Variants in PPARGC1A observed in about 807,000 individuals in gnomAD.
PPARGC1A encodes peroxisome proliferator-activated receptor gamma coactivator 1-alpha.
Under a neutral mutation model 88.7 loss-of-function variants are expected in PPARGC1A, and 25 were observed. The ratio of observed to expected loss-of-function variants is 0.28; its 90% CI spans 0.21 to 0.39. PPARGC1A has a LOEUF of 0.39. PPARGC1A is among the 10% of genes least tolerant of loss of function. The pLI is 1.00. For missense variants in PPARGC1A, 880 were observed against 968.7 expected, an observed-to-expected ratio of 0.91 and a Z score of 1.22; for synonymous variants, 363 against 355.6, an observed-to-expected ratio of 1.02 and a Z score of -0.24.
intron 10 of PPARGC1A, among the ~76,000 whole-genome samples, chr4:23,802,596 G>GAAC (rs940509059): frequency 4.8e-5 from 7 of 145,264 alleles, no homozygotes; most frequent in African/African-American, 1.8e-4. Context: ...AGAATTGCTT[G>GAAC]AACCCGGGAG....
the PPARGC1A span, among the ~76,000 whole-genome samples, chr4:24,290,973 G>T: frequency 1.3e-5 from 2 of 152,054 alleles, no homozygotes; most frequent in Non-Finnish European, 2.9e-5. Context: ...AAAAATATTG[G>T]TTCGATTCTA....
At chr4:23,919,984 T>C in the PPARGC1A span, among the ~76,000 whole-genome samples, 2 of 152,144 alleles carry the variant, frequency 1.3e-5, no homozygotes, top group African/African-American at 2.4e-5. Context: ...GAATCACCAG[T>C]GTCGAGTGAG....
the PPARGC1A span, among the ~76,000 whole-genome samples, chr4:23,930,405 C>T: frequency 6.6e-6 from 1 of 152,174 alleles, no homozygotes; most frequent in African/African-American, 2.4e-5. Context: ...TGACCACTGA[C>T]ATTTAGGTAC....
the PPARGC1A span, among the ~76,000 whole-genome samples, chr4:24,025,925 A>G: frequency 1.3e-5 from 2 of 152,118 alleles, no homozygotes; most frequent in African/African-American, 4.8e-5. Flanking sequence ...CCTGTTTTCC[A>G]AAGATTCTTT....
At chr4:24,073,291 C>T in the PPARGC1A span, among the ~76,000 whole-genome samples, 8 of 152,178 alleles carry the variant, frequency 5.3e-5, no homozygotes, top group Non-Finnish European at 8.8e-5. Flanking sequence ...ATCTGCCCGC[C>T]TCAGCCTCCC....
At chr4:24,263,841 C>T in the PPARGC1A span, among the ~76,000 whole-genome samples, 1 of 152,196 alleles carries the variant, frequency 6.6e-6, no homozygotes, top group Non-Finnish European at 1.5e-5. Context: ...CCTCGACCTC[C>T]AGGAATCAAG....
chr4:24,379,291 G>C, the PPARGC1A span, among the ~76,000 whole-genome samples: 10 of 152,160 alleles, frequency 6.6e-5, no homozygotes, highest in Non-Finnish European at 1.3e-4. Flanking sequence ...GTATGGGTTG[G>C]AGGAGGTGAT....
At chr4:24,306,164 C>A in the PPARGC1A span, among the ~76,000 whole-genome samples, 1 of 152,032 alleles carries the variant, frequency 6.6e-6, no homozygotes, top group African/African-American at 2.4e-5. Flanking sequence ...CCCAAGAAGA[C>A]GAGAGACTTA....
the PPARGC1A span, among the ~76,000 whole-genome samples, chr4:24,439,199 T>A: frequency 6.6e-6 from 1 of 152,132 alleles, no homozygotes; most frequent in African/African-American, 2.4e-5. Flanking sequence ...TTCTCCTTCT[T>A]TAAGAGAAGA....
chr4:23,904,326 G>A (rs1719779641), upstream of PPARGC1A, among the ~76,000 whole-genome samples: 1 of 152,048 alleles, frequency 6.6e-6, no homozygotes, highest in East Asian at 1.9e-4. Context: ...TCCAACCCGT[G>A]GAAAATAAAA....
intron 10 of PPARGC1A, among the ~76,000 whole-genome samples, chr4:23,809,338 A>T: frequency 6.6e-6 from 1 of 152,204 alleles, no homozygotes. Context: ...AAATAGTTCC[A>T]TGATGCCTTC....
At chr4:24,406,375 G>A in the PPARGC1A span, among the ~76,000 whole-genome samples, 88 of 152,280 alleles carry the variant, frequency 5.8e-4, no homozygotes, top group African/African-American at 1.9e-3. Flanking sequence ...TGCTTCTGGC[G>A]AGGTGTCTTC....
chr4:24,326,691 G>A, the PPARGC1A span, among the ~76,000 whole-genome samples: 1 of 152,120 alleles, frequency 6.6e-6, no homozygotes, highest in Non-Finnish European at 1.5e-5. Flanking sequence ...ATCGTGTCCA[G>A]CTGATCTCCC....
At chr4:24,117,034 C>G in the PPARGC1A span, among the ~76,000 whole-genome samples, 3 of 149,378 alleles carry the variant, frequency 2.0e-5, no homozygotes, top group Non-Finnish European at 4.4e-5. Flanking sequence ...AAAGCATGCA[C>G]AGTGAAGTTG....
chr4:24,185,501 G>A, the PPARGC1A span, among the ~76,000 whole-genome samples: 14 of 152,238 alleles, frequency 9.2e-5, no homozygotes, highest in South Asian at 1.9e-3. Context: ...ATGTAGCCAC[G>A]GTTCCTTCTC....
the PPARGC1A span, among the ~76,000 whole-genome samples, chr4:24,116,392 G>C: frequency 2.7e-3 from 417 of 152,234 alleles, 5 homozygotes; most frequent in East Asian, 0.052. Context: ...TGAACTTCAG[G>C]TCATGGTTTC....
chr4:23,952,362 T>C, the PPARGC1A span, among the ~76,000 whole-genome samples: 6 of 152,136 alleles, frequency 3.9e-5, no homozygotes, highest in Non-Finnish European at 7.4e-5. Context: ...GCTGGCTTCC[T>C]GATGGCTTCA....
At chr4:23,923,769 G>C in the PPARGC1A span, among the ~76,000 whole-genome samples, 1 of 152,122 alleles carries the variant, frequency 6.6e-6, no homozygotes, top group African/African-American at 2.4e-5. Flanking sequence ...TTTTTCTTGA[G>C]ATAAAATATT....
chr4:24,459,864 C>A, the PPARGC1A span, among the ~76,000 whole-genome samples: 1 of 152,154 alleles, frequency 6.6e-6, no homozygotes. Context: ...TAACTAATAA[C>A]AACAATTAGC....
Sources: gnomAD v4.1 joint callset for allele counts (sites outside exome capture counted in the v4.1 genomes callset) on GRCh38, gnomAD v4.1.1 for gene constraint, MANE v1.5 for transcripts, NCBI Gene and HGNC (gene_info 2026-07-23, HGNC 2026-07-21) for gene names.